Variants in CNTN5 observed in about 807,000 individuals in gnomAD.
The protein encoded by CNTN5 is contactin 5.
Under a neutral mutation model 129.1 loss-of-function variants are expected in CNTN5, and 77 were observed. The ratio of observed to expected loss-of-function variants is 0.60; its 90% CI spans 0.50 to 0.72. CNTN5 has a LOEUF of 0.72. Ranked by LOEUF, CNTN5 falls within the 30% of genes least tolerant of loss-of-function variation. CNTN5 has a pLI of 0.00. For synonymous variants in CNTN5, 509 were observed against 465.6 expected (o/e 1.09, Z -1.20); for missense variants, 1,478 against 1,328.8 (o/e 1.11, Z -1.75).
intron 20 of CNTN5, among the ~76,000 whole-genome samples, chr11:100,305,353 T>G (rs928095905): frequency 6.6e-6 from 1 of 151,608 alleles, no homozygotes; most frequent in Non-Finnish European, 1.5e-5. Flanking sequence ...TGGGAGGAAC[T>G]CTGGCATATG....
intron 3 of CNTN5, among the ~76,000 whole-genome samples, chr11:99,557,039 C>A (rs1175406244): frequency 6.6e-6 from 1 of 150,948 alleles, no homozygotes; most frequent in Non-Finnish European, 1.5e-5. Context: ...TAAATCAGTA[C>A]CTATATTGTG....
At chr11:99,528,620 A>G (rs1371882644) in intron 2 of CNTN5, among the ~76,000 whole-genome samples, 1 of 152,246 alleles carries the variant, frequency 6.6e-6, no homozygotes, top group African/African-American at 2.4e-5. Context: ...CCATTTATTA[A>G]GGAAGCTTCA....
chr11:99,514,859 G>A (rs1367751036), intron 2 of CNTN5, among the ~76,000 whole-genome samples: 2 of 151,860 alleles, frequency 1.3e-5, no homozygotes, highest in African/African-American at 4.8e-5. Flanking sequence ...GCCTATATAT[G>A]GAAAGATAAA....
At chr11:99,169,844 G>T (rs961840354) in intron 1 of CNTN5, among the ~76,000 whole-genome samples, 1 of 152,028 alleles carries the variant, frequency 6.6e-6, no homozygotes, top group Non-Finnish European at 1.5e-5. Context: ...AAAATAACAT[G>T]CAAAGACTGA....
At chr11:99,876,124 TG>T (rs1197376330) in intron 6 of CNTN5, among the ~76,000 whole-genome samples, 1 of 152,194 alleles carries the variant, frequency 6.6e-6, no homozygotes, top group Non-Finnish European at 1.5e-5. Flanking sequence ...TAGTTGCTAC[TG>T]TCTAGAATAC....
rs574507541 is a variant in CNTN5, at chr11:99,417,589, TC to T, written c.-71+92107del. The stretch of plus-strand genomic sequence containing the variant: ...GTGTTGAGTTGAAGTGCTCAATTAT[TC>T]CTACTATTTTATGTTAAATTGTACT... On this transcript the variant is annotated intron_variant, in intron 2 of 24. Coordinates refer to ENST00000524871, the MANE Select transcript of CNTN5 (RefSeq NM_014361.4). Among the ~76,000 whole-genome samples, 68 of 152,088 alleles carry T rather than the reference TC, an allele frequency of 4.5e-4. 1 individual carries two copies. Among genetic ancestry groups the T allele is most frequent in the African/African-American group, 1.6e-3 (66 of 41,514 alleles).
intron 6 of CNTN5, among the ~76,000 whole-genome samples, chr11:99,846,480 G>T (rs1298929483): frequency 6.6e-6 from 1 of 151,286 alleles, no homozygotes; most frequent in Admixed American, 6.6e-5. Context: ...AGGCTAATAG[G>T]TAAAACCTTT....
intron 18 of CNTN5, among the ~76,000 whole-genome samples, chr11:100,285,910 G>A (rs942941039): frequency 1.3e-5 from 2 of 152,236 alleles, no homozygotes; most frequent in Non-Finnish European, 2.9e-5. Flanking sequence ...CACCGTGCGC[G>A]AGCCGAAGCA....
chr11:99,708,660 T>C (rs1360859339), intron 3 of CNTN5, among the ~76,000 whole-genome samples: 1 of 151,744 alleles, frequency 6.6e-6, no homozygotes, highest in Non-Finnish European at 1.5e-5. Context: ...CGATGCCTAC[T>C]GATGCCTACT....
intron 3 of CNTN5, among the ~76,000 whole-genome samples, chr11:99,663,695 C>CCTTTGAT (rs1952681062): frequency 6.6e-6 from 1 of 152,062 alleles, no homozygotes; most frequent in Non-Finnish European, 1.5e-5. Context: ...AGCTCTTACC[C>CCTTTGAT]CTTTGCTCTT....
chr11:100,128,935 G>A (rs557771425), intron 13 of CNTN5, among the ~76,000 whole-genome samples: 1 of 151,968 alleles, frequency 6.6e-6, no homozygotes, highest in East Asian at 1.9e-4. Context: ...ATGCATTAGT[G>A]TTCTGCAATT....
chr11:100,117,206 A>ACCAT (rs558629454), intron 13 of CNTN5, among the ~76,000 whole-genome samples: 332 of 152,128 alleles, frequency 2.2e-3, no homozygotes, highest in African/African-American at 7.2e-3. Flanking sequence ...CACTCTACGT[A>ACCAT]CCATCACTCA....
intron 2 of CNTN5, among the ~76,000 whole-genome samples, chr11:99,417,776 A>G (rs908360004): frequency 6.6e-6 from 1 of 152,276 alleles, no homozygotes; most frequent in African/African-American, 2.4e-5. Context: ...AATAAACACA[A>G]ATTATAAATC....
chr11:100,353,376 GC>G (rs1952457077), intron 24 of CNTN5, among the ~76,000 whole-genome samples: 1 of 151,566 alleles, frequency 6.6e-6, no homozygotes, highest in Non-Finnish European at 1.5e-5. Context: ...TATAGCTGGG[GC>G]AAGAACTTAG....
At chr11:99,326,005 C>A (rs1468233926) in intron 2 of CNTN5, among the ~76,000 whole-genome samples, 1 of 152,186 alleles carries the variant, frequency 6.6e-6, no homozygotes. Context: ...AGGCAGACGA[C>A]TTTTATGCAG....
At chr11:99,488,156 G>T (rs1402497923) in intron 2 of CNTN5, among the ~76,000 whole-genome samples, 2 of 123,718 alleles carry the variant, frequency 1.6e-5, no homozygotes, top group East Asian at 2.5e-4. Context: ...GAATCTCCAA[G>T]AAGTTTTTTT....
intron 3 of CNTN5, among the ~76,000 whole-genome samples, chr11:99,616,749 AAAG>A (rs1205271497): frequency 6.6e-6 from 1 of 152,222 alleles, no homozygotes; most frequent in Admixed American, 6.5e-5. Flanking sequence ...CATGGGAGGT[AAAG>A]AAGGTGAAAT....
At chr11:99,864,111 C>A (rs1211131467) in intron 6 of CNTN5, among the ~76,000 whole-genome samples, 4 of 152,142 alleles carry the variant, frequency 2.6e-5, no homozygotes, top group South Asian at 2.1e-4. Flanking sequence ...ATTGTTAATG[C>A]ATGATATATA....
intron 1 of CNTN5, among the ~76,000 whole-genome samples, chr11:99,299,362 G>A (rs1864524644): frequency 6.6e-6 from 1 of 151,874 alleles, no homozygotes. Flanking sequence ...GTTATAAAAA[G>A]GAACCAAATA....
Sources: allele counts gnomAD v4.1 joint callset (sites outside exome capture counted in the v4.1 genomes callset), GRCh38; gene constraint gnomAD v4.1.1; transcripts MANE v1.5; gene names NCBI Gene and HGNC (gene_info 2026-07-23, HGNC 2026-07-21).